Variants in NEGR1 observed in about 807,000 individuals in gnomAD.
NEGR1 encodes neuronal growth regulator 1.
NEGR1 carries 10 observed loss-of-function variants against 40.9 expected under a neutral mutation model. The ratio of observed to expected loss-of-function variants is 0.24; its 90% CI spans 0.15 to 0.42. NEGR1 has a LOEUF of 0.42. Ranked by LOEUF, NEGR1 falls within the 10% of genes least tolerant of loss-of-function variation. NEGR1 has a pLI of 1.00. For synonymous variants in NEGR1, 185 were observed against 166.8 expected, an observed-to-expected ratio of 1.11 and a Z score of -0.84; for missense variants, 352 against 438.9, an observed-to-expected ratio of 0.80 and a Z score of 1.77.
intron 6 of NEGR1, among the ~76,000 whole-genome samples, chr1:71,567,424 C>T (rs1289462602): frequency 6.6e-6 from 1 of 152,036 alleles, no homozygotes; most frequent in East Asian, 1.9e-4. Flanking sequence ...AATTGGTAAG[C>T]ATTTCCTATT....
intron 6 of NEGR1, among the ~76,000 whole-genome samples, chr1:71,497,266 C>A (rs922757658): frequency 6.6e-6 from 1 of 152,086 alleles, no homozygotes. Context: ...TGCAGTCATT[C>A]AGTAAGCAAT....
At chr1:72,018,518 C>T (rs994702410) in intron 1 of NEGR1, among the ~76,000 whole-genome samples, 1 of 152,064 alleles carries the variant, frequency 6.6e-6, no homozygotes, top group African/African-American at 2.4e-5. Context: ...TCAGGTGATT[C>T]TAATGTGTAT....
intron 2 of NEGR1, among the ~76,000 whole-genome samples, chr1:71,812,077 G>A (rs1253261083): frequency 6.6e-6 from 1 of 151,812 alleles, no homozygotes; most frequent in Non-Finnish European, 1.5e-5. Flanking sequence ...GCCACAGTGT[G>A]TGTTGTTCCC....
Position 71,998,257 on chromosome 1 carries a change from G to C in NEGR1, c.177-62946C>G, listed in dbSNP as rs544522830. Reference sequence around the variant, plus strand: ...TTAAACCAAATAATGCATGTAAAGTGATTTTTGTGATTCCTGGCATATAGC... The same window carrying C: ...TTAAACCAAATAATGCATGTAAAGTCATTTTTGTGATTCCTGGCATATAGC... On this transcript the variant is annotated intron_variant, in intron 1 of 6. Coordinates refer to ENST00000357731, the MANE Select transcript of NEGR1 (RefSeq NM_173808.3). Among the ~76,000 whole-genome samples the C allele has an allele frequency of 1.3e-4, 19 of 151,940 alleles. No homozygotes were observed. In the South Asian group the frequency reaches 3.7e-3, roughly 30 times the overall value.
In NEGR1 at chr1:72,189,722, C is replaced by A. The variant is rs533014052; in HGVS notation, c.176+92597G>T. Reference sequence around the variant, plus strand: ...AGGTTACATTGCTTGAGAGATATTTCTGTTTTATACATTTCTTTCTACAAA... The same window carrying A: ...AGGTTACATTGCTTGAGAGATATTTATGTTTTATACATTTCTTTCTACAAA... On this transcript the variant is annotated intron_variant, in intron 1 of 6. Coordinates refer to ENST00000357731, the MANE Select transcript of NEGR1 (RefSeq NM_173808.3). Among the ~76,000 whole-genome samples, 5 of 151,618 alleles carry A rather than the reference C, an allele frequency of 3.3e-5. No homozygotes were observed. In the East Asian group the frequency reaches 9.7e-4, roughly 29 times the overall value.
chr1:71,656,780 G>T (rs1651893095), intron 4 of NEGR1, among the ~76,000 whole-genome samples: 1 of 152,222 alleles, frequency 6.6e-6, no homozygotes, highest in Non-Finnish European at 1.5e-5. Context: ...TCATAAAAGA[G>T]AGAATTTGGT....
At chr1:71,472,204 A>T (rs1265732161) in intron 6 of NEGR1, among the ~76,000 whole-genome samples, 1 of 152,154 alleles carries the variant, frequency 6.6e-6, no homozygotes, top group East Asian at 1.9e-4. Context: ...AAATAGTAAG[A>T]GATGGAAGGG....
intron 6 of NEGR1, among the ~76,000 whole-genome samples, chr1:71,583,742 A>G (rs1271147996): frequency 6.6e-6 from 1 of 152,180 alleles, no homozygotes; most frequent in Non-Finnish European, 1.5e-5. Context: ...GAAAACATAT[A>G]TGTTGTTACT....
chr1:71,976,743 A>C (rs1480678497), intron 1 of NEGR1, among the ~76,000 whole-genome samples: 1 of 152,206 alleles, frequency 6.6e-6, no homozygotes, highest in African/African-American at 2.4e-5. Context: ...TTCGAAGAGA[A>C]ACATTTATTT....
At chr1:71,797,393 A>T (rs1246414653) in intron 2 of NEGR1, among the ~76,000 whole-genome samples, 3 of 152,156 alleles carry the variant, frequency 2.0e-5, no homozygotes, top group Non-Finnish European at 4.4e-5. Context: ...GAAGATTCAA[A>T]ATGAAAATAT....
intron 1 of NEGR1, among the ~76,000 whole-genome samples, chr1:72,093,429 A>C (rs1438747367): frequency 6.6e-6 from 1 of 152,084 alleles, no homozygotes; most frequent in Non-Finnish European, 1.5e-5. Context: ...CAAAAAACTT[A>C]TGTAATTGGC....
intron 1 of NEGR1, among the ~76,000 whole-genome samples, chr1:71,939,970 C>T (rs1000915162): frequency 8.5e-5 from 13 of 152,130 alleles, no homozygotes; most frequent in Non-Finnish European, 1.9e-4. Flanking sequence ...AGTTGGCTTG[C>T]ATTCTTAACC....
At chr1:71,990,875 T>C (rs1460142111) in intron 1 of NEGR1, among the ~76,000 whole-genome samples, 1 of 151,446 alleles carries the variant, frequency 6.6e-6, no homozygotes, top group Non-Finnish European at 1.5e-5. Context: ...TAATAATGAC[T>C]CTCCCAATCT....
rs148162148 is a variant in NEGR1 at position 71,414,422 on chromosome 1, T to G, written c.941-6852A>C. Among the ~76,000 whole-genome samples, 61 of 152,242 alleles carry G rather than the reference T, an allele frequency of 4.0e-4. 1 individual carries two copies. In the East Asian group the frequency reaches 0.011, roughly 28 times the overall value. ...ATTTTACTTAAACACTGGGTAGAGA[T>G]TAGGAGAGAAAAAGAGAAGCAGATG... On this transcript the variant is annotated intron_variant, in intron 6 of 6. Transcript: ENST00000357731.
intron 1 of NEGR1, among the ~76,000 whole-genome samples, chr1:72,168,173 C>A (rs1403098719): frequency 6.6e-6 from 1 of 151,802 alleles, no homozygotes; most frequent in African/African-American, 2.4e-5. Context: ...GCTGCCACAC[C>A]CAGTTAATTT....
chr1:71,396,230 A>G lies in NEGR1; in HGVS notation c.*11216T>C, dbSNP rs1198552173. On this transcript the variant is annotated 3_prime_UTR_variant, in exon 7 of 7. Transcript: ENST00000357731. ...TTAAAGTGAAATCAGCTTCCCAAAG[A>G]AAGGATTAGAGAAATGGGTGCCTTT... 4 of 152,196 alleles carry G rather than the reference A, an allele frequency of 2.6e-5. No homozygotes were observed. The highest frequency in any genetic ancestry group is 7.2e-5 in the African/African-American group (3 of 41,448). 9.4% of individuals were successfully genotyped at this position (152,196 alleles called of 1,614,324 possible).
intron 2 of NEGR1, among the ~76,000 whole-genome samples, chr1:71,903,514 G>A (rs576866915): frequency 5.3e-5 from 8 of 151,896 alleles, no homozygotes; most frequent in East Asian, 1.9e-4. Context: ...AAAGACTACC[G>A]GTGTGACCTC....
intron 1 of NEGR1, among the ~76,000 whole-genome samples, chr1:72,165,785 C>G (rs1206639217): frequency 6.6e-6 from 1 of 151,980 alleles, no homozygotes; most frequent in East Asian, 1.9e-4. Context: ...AGTATGCTTT[C>G]CACTATTCTT....
chr1:72,151,221 C>T (rs1339876801), intron 1 of NEGR1, among the ~76,000 whole-genome samples: 2 of 151,366 alleles, frequency 1.3e-5, no homozygotes, highest in African/African-American at 4.8e-5. Context: ...TCTGGCAGTA[C>T]ATATTTATTG....
Sources: allele counts gnomAD v4.1 joint callset (sites outside exome capture counted in the v4.1 genomes callset), GRCh38; gene constraint gnomAD v4.1.1; transcripts MANE v1.5; gene names NCBI Gene and HGNC (gene_info 2026-07-23, HGNC 2026-07-21).